XPO4: variants seen among roughly 807,000 people sequenced by gnomAD.
XPO4 encodes the protein exportin-4.
In XPO4, 39 loss-of-function variants were observed where a neutral mutation model predicts 143.0. The ratio of observed to expected loss-of-function variants is 0.27; its 90% CI spans 0.21 to 0.36. XPO4 has a LOEUF of 0.36. Ranked by LOEUF, XPO4 falls within the 10% of genes least tolerant of loss-of-function variation. The pLI is 1.00. For missense variants in XPO4, 907 were observed against 1,348.0 expected (o/e 0.67, Z 5.12); for synonymous variants, 439 against 474.0 (o/e 0.93, Z 0.96).
Position 20,793,562 on chromosome 13 carries a change from C to CTGATTGAT in XPO4, c.2797+2506_2797+2513dup, listed in dbSNP as rs561229147. Among the ~76,000 whole-genome samples the CTGATTGAT allele has an allele frequency of 3.3e-3, 496 of 152,004 alleles. 4 individuals carry two copies. The highest frequency in any genetic ancestry group is 0.012 in the African/African-American group (477 of 41,446). On this transcript the variant is annotated intron_variant, in intron 18 of 22. Coordinates refer to ENST00000255305, the MANE Select transcript of XPO4 (RefSeq NM_022459.5). Reference sequence around the variant, plus strand: ...CTGCCCTTTCTTATTGACTGATTGACTGATTGATTGAAACAGAGTCTGGCT... The same window carrying CTGATTGAT: ...CTGCCCTTTCTTATTGACTGATTGACTGATTGATTGATTGATTGAAACAGAGTCTGGCT...
At chr13:20,786,928 AT>A in intron 22 of XPO4, 36 bp downstream of exon 22, 1 of 1,512,282 alleles carries the variant, frequency 6.6e-7, no homozygotes, top group African/African-American at 1.4e-5. Flanking sequence ...GCAAAATAGA[AT>A]GAGAAGAGTC....
chr13:20,869,151 G>A (rs1392855395), intron 1 of XPO4, among the ~76,000 whole-genome samples: 1 of 152,030 alleles, frequency 6.6e-6, no homozygotes, highest in Admixed American at 6.6e-5. Context: ...TAAGACACAG[G>A]ATCAAATATT....
intron 1 of XPO4, among the ~76,000 whole-genome samples, chr13:20,870,089 C>CAAAAAAAAAAAAA (rs59710121): frequency 5.1e-5 from 5 of 98,928 alleles, no homozygotes; most frequent in African/African-American, 2.2e-4. Flanking sequence ...GAAGGAGTCT[C>CAAAAAAAAAAAAA]AAAAAAAAAA....
chr13:20,838,756 T>C (rs1440642469), intron 6 of XPO4, among the ~76,000 whole-genome samples: 1 of 151,632 alleles, frequency 6.6e-6, no homozygotes, highest in Non-Finnish European at 1.5e-5. Context: ...CAAAGAGAAA[T>C]GAAACCCTAA....
At chr13:20,857,915 TAAA>T (rs1299672511) in intron 3 of XPO4, 18 of 984,706 alleles carry the variant, frequency 1.8e-5, no homozygotes, top group Non-Finnish European at 2.0e-5. Flanking sequence ...GAGGAAAAAA[TAAA>T]AAAGAAAAAA....
At chr13:20,815,933 A>C (rs2059644602) in intron 9 of XPO4, among the ~76,000 whole-genome samples, 1 of 152,234 alleles carries the variant, frequency 6.6e-6, no homozygotes, top group Non-Finnish European at 1.5e-5. Context: ...GTAATGTACC[A>C]AACACTTGCA....
chr13:20,889,236 T>C (rs1164308462), intron 1 of XPO4, among the ~76,000 whole-genome samples: 1 of 152,234 alleles, frequency 6.6e-6, no homozygotes, highest in Admixed American at 6.5e-5. Flanking sequence ...CATGTGCGCA[T>C]GGCTAGTAAT....
chr13:20,863,643 C>G (rs1271868174), intron 2 of XPO4, among the ~76,000 whole-genome samples: 6 of 152,126 alleles, frequency 3.9e-5, no homozygotes, highest in Non-Finnish European at 7.4e-5. Context: ...GTTTCCCAAA[C>G]AGCATTATCA....
chr13:20,834,998 A>T (rs1966190), intron 6 of XPO4, among the ~76,000 whole-genome samples: 11 of 151,884 alleles, frequency 7.2e-5, no homozygotes, highest in Admixed American at 3.3e-4. Context: ...AACTTAACTT[A>T]GTTTTTTGTT....
In XPO4 at chr13:20,800,244, T is replaced by C. The variant is rs373666107; in HGVS notation, c.2059A>G (p.Ile687Val). 6.6e-5 allele frequency: 107 copies of C among 1,614,074 alleles called. 2 individuals are homozygous for C. The highest frequency in any genetic ancestry group is 3.3e-4 in the Middle Eastern group (2 of 6,084). The change falls in exon 15 of 23, where the codon ATC (isoleucine) becomes GTC (valine). Residue 687 changes from isoleucine to valine, a missense_variant. Physicochemically the swap from Ile to Val is conservative, Grantham distance 29. Coordinates refer to ENST00000255305, the MANE Select transcript of XPO4 (RefSeq NM_022459.5). The stretch of plus-strand genomic sequence containing the variant: ...CTACTCCAGACTGAGAGGTTACTGA[T>C]GACTTTTTGTAAGAGGTAGCCAATT... The part of the protein sequence containing the change: ...WIIGYLLQKV[I>V]SNLSVWSSEQ...
chr13:20,842,862 C>T, intron 6 of XPO4, 33 bp downstream of exon 6: 1 of 1,548,144 alleles, frequency 6.5e-7, no homozygotes, highest in Non-Finnish European at 8.8e-7. Flanking sequence ...TGAAAATTAC[C>T]ACAGATAAAC....
intron 9 of XPO4, among the ~76,000 whole-genome samples, chr13:20,810,845 T>C (rs775727103): frequency 2.1e-4 from 32 of 152,364 alleles, no homozygotes; most frequent in Non-Finnish European, 3.7e-4. Context: ...GTAATCCTAA[T>C]TGTCCTCTTT....
intron 2 of XPO4, among the ~76,000 whole-genome samples, chr13:20,867,466 C>A (rs190285971): frequency 6.5e-4 from 99 of 152,254 alleles, no homozygotes; most frequent in African/African-American, 2.3e-3. Context: ...TTTCACCTCA[C>A]GAAACAATTT....
intron 3 of XPO4, chr13:20,856,374 G>A: frequency 1.0e-6 from 1 of 985,178 alleles, no homozygotes; most frequent in Non-Finnish European, 1.2e-6. Context: ...TCCATGTGAT[G>A]ACAGAAGCAC....
In XPO4 at chr13:20,787,041, A is replaced by G; in HGVS notation, c.3182T>C (p.Leu1061Pro). The G allele has an allele frequency of 1.3e-6, 2 of 1,564,464 alleles. No homozygotes were observed. Among genetic ancestry groups the G allele is most frequent in the Non-Finnish European group, 1.7e-6 (2 of 1,151,912 alleles). ...RHFLKLVFDM[L>P]VLQKHNTEMT... ...CTCTGTGTTGTGCTTTTGCAAAACCAGCATATCAAAAACCAGCTGAAATTA... is the reference window on the plus strand; with the variant it reads ...CTCTGTGTTGTGCTTTTGCAAAACCGGCATATCAAAAACCAGCTGAAATTA... The change falls in exon 22 of 23, where the codon CTG (leucine) becomes CCG (proline). Residue 1061 changes from leucine (L) to proline (P), a missense_variant. By Grantham distance (98) the Leu-to-Pro change is moderately conservative (BLOSUM62 -3). Transcript: ENST00000255305.
intron 13 of XPO4, among the ~76,000 whole-genome samples, chr13:20,804,254 C>A (rs1046199197): frequency 5.9e-5 from 9 of 151,584 alleles, no homozygotes; most frequent in African/African-American, 2.2e-4. Flanking sequence ...TATATACACA[C>A]ACACACATAC....
intron 6 of XPO4, among the ~76,000 whole-genome samples, chr13:20,840,390 TA>T (rs2059962687): frequency 6.6e-6 from 1 of 151,916 alleles, no homozygotes; most frequent in Admixed American, 6.6e-5. Context: ...TATTTTTTTG[TA>T]GAGATAGGGT....
chr13:20,869,150 G>A (rs924031290), intron 1 of XPO4, among the ~76,000 whole-genome samples: 8 of 152,006 alleles, frequency 5.3e-5, no homozygotes, highest in Non-Finnish European at 1.2e-4. Context: ...TTAAGACACA[G>A]GATCAAATAT....
chr13:20,794,685 C>T (rs1174899056), intron 18 of XPO4, among the ~76,000 whole-genome samples: 1 of 152,140 alleles, frequency 6.6e-6, no homozygotes, highest in Non-Finnish European at 1.5e-5. Flanking sequence ...GAGCTGTGAC[C>T]ATGCGACTGC....
Sources: allele counts gnomAD v4.1 joint callset (sites outside exome capture counted in the v4.1 genomes callset), GRCh38; gene constraint gnomAD v4.1.1; transcripts MANE v1.5; gene names NCBI Gene and HGNC (gene_info 2026-07-23, HGNC 2026-07-21).